NTM: variants seen among roughly 807,000 people sequenced by gnomAD.
NTM encodes neurotrimin.
A neutral mutation model predicts 42.1 loss-of-function variants in NTM; 13 were observed. That is an observed-to-expected ratio of 0.31 (90% CI 0.20 to 0.49). The LOEUF is 0.49. Ranked by LOEUF, NTM falls within the 20% of genes least tolerant of loss-of-function variation. NTM has a pLI of 0.99. For synonymous variants in NTM, 187 were observed against 179.2 expected (o/e 1.04, Z -0.35); for missense variants, 373 against 452.8 (o/e 0.82, Z 1.60).
At chr11:131,515,946 T>C (rs2048841132) in intron 1 of NTM, among the ~76,000 whole-genome samples, 2 of 152,192 alleles carry the variant, frequency 1.3e-5, no homozygotes, top group African/African-American at 4.8e-5. Flanking sequence ...AAGATAAGGC[T>C]TTTGCATGTG....
chr11:131,911,757 C>G, intron 2 of NTM, 109 bp downstream of exon 2: 1 of 1,355,536 alleles, frequency 7.4e-7, no homozygotes, highest in Non-Finnish European at 1.0e-6. Context: ...GGAGAGGTCG[C>G]TGGTTCCCTG....
intron 1 of NTM, among the ~76,000 whole-genome samples, chr11:131,717,837 G>A (rs1295049155): frequency 1.3e-5 from 2 of 152,182 alleles, no homozygotes; most frequent in East Asian, 3.8e-4. Context: ...TAGATATGCT[G>A]ATAGCTGTAG....
chr11:132,236,810 T>C, intron 4 of NTM, among the ~76,000 whole-genome samples: 1 of 152,206 alleles, frequency 6.6e-6, no homozygotes, highest in Non-Finnish European at 1.5e-5. Flanking sequence ...CTGGCCTTAC[T>C]GACTCCCTCC....
intron 2 of NTM, among the ~76,000 whole-genome samples, chr11:131,966,181 G>C (rs1008739926): frequency 2.0e-5 from 3 of 152,152 alleles, no homozygotes; most frequent in Non-Finnish European, 4.4e-5. Flanking sequence ...AATAGTGGGA[G>C]ATGAGTTTGC....
intron 1 of NTM, among the ~76,000 whole-genome samples, chr11:131,657,520 GTTA>G (rs1478195024): frequency 6.6e-6 from 1 of 152,096 alleles, no homozygotes; most frequent in Non-Finnish European, 1.5e-5. Flanking sequence ...CCTTTGTATT[GTTA>G]TTAGCACCAA....
chr11:131,413,154 G>A (rs1050787418), intron 1 of NTM, among the ~76,000 whole-genome samples: 4 of 152,178 alleles, frequency 2.6e-5, no homozygotes, highest in Non-Finnish European at 4.4e-5. Flanking sequence ...GATAGAGTCA[G>A]GTGCCAGAAT....
At chr11:131,389,300 C>G (rs2512652) in intron 1 of NTM, among the ~76,000 whole-genome samples, 44,751 of 152,130 alleles carry the variant, frequency 0.29, 7,610 homozygotes, top group East Asian at 0.59. Flanking sequence ...TGTGGCTGGG[C>G]AGTGAATGAC....
At chr11:132,220,622 A>G (rs1248554724) in intron 4 of NTM, among the ~76,000 whole-genome samples, 1 of 152,186 alleles carries the variant, frequency 6.6e-6, no homozygotes, top group Non-Finnish European at 1.5e-5. Flanking sequence ...TTGTGGTTTT[A>G]CCCAATTATT....
chr11:131,732,916 C>T (rs1487119748), intron 1 of NTM, among the ~76,000 whole-genome samples: 1 of 151,932 alleles, frequency 6.6e-6, no homozygotes, highest in East Asian at 1.9e-4. Context: ...GAATGTTTTA[C>T]ATTAATATTA....
At position 132,228,270 on chromosome 11, in the gene NTM, C is replaced by T. The variant is rs554238489; in HGVS notation, c.526+16123C>T. Among the ~76,000 whole-genome samples the T allele has an allele frequency of 3.0e-3, 460 of 152,292 alleles. 4 individuals carry two copies. The highest frequency in any genetic ancestry group is 0.014 in the Middle Eastern group (4 of 294). Reference sequence around the variant, plus strand: ...TGCCCTGGGAATTCTGTGAACATCCCTGCTGCCTCAGTGCTGTGAATTCTA... The same window carrying T: ...TGCCCTGGGAATTCTGTGAACATCCTTGCTGCCTCAGTGCTGTGAATTCTA... On this transcript the variant is annotated intron_variant, in intron 4 of 8. Coordinates refer to ENST00000683400, the MANE Select transcript of NTM (RefSeq NM_001352005.2).
At chr11:131,784,176 T>C (rs909635978) in intron 1 of NTM, among the ~76,000 whole-genome samples, 2 of 152,194 alleles carry the variant, frequency 1.3e-5, no homozygotes, top group African/African-American at 4.8e-5. Context: ...CAAATTCTCA[T>C]ATATTGCTGG....
At position 131,371,641 on chromosome 11, in the gene NTM, C is replaced by A. The variant is rs758854827; in HGVS notation, c.82+753C>A. On this transcript the variant is annotated intron_variant, in intron 1 of 8. Coordinates refer to ENST00000683400, the MANE Select transcript of NTM (RefSeq NM_001352005.2). Reference sequence around the variant, plus strand: ...TGCAGTTGAGTGCAAGCTTTGATGTCCCCAGTGCTGTGTTCTGTGCATTTG... The same window carrying A: ...TGCAGTTGAGTGCAAGCTTTGATGTACCCAGTGCTGTGTTCTGTGCATTTG... Among the ~76,000 whole-genome samples the A allele has an allele frequency of 1.2e-3, 189 of 152,260 alleles. 4 individuals are homozygous for A. The Middle Eastern group carries it at 0.027, about 22-fold the overall frequency.
At chr11:131,571,983 C>T (rs76127281) in intron 1 of NTM, among the ~76,000 whole-genome samples, 4,132 of 152,234 alleles carry the variant, frequency 0.027, 184 homozygotes, top group African/African-American at 0.094. Context: ...AAACAACAAC[C>T]ACAGCAATCT....
At chr11:132,231,801 G>A (rs2087620164) in intron 4 of NTM, among the ~76,000 whole-genome samples, 1 of 152,164 alleles carries the variant, frequency 6.6e-6, no homozygotes, top group Admixed American at 6.5e-5. Flanking sequence ...AAGTAACTTG[G>A]GAATAGTCAG....
intron 2 of NTM, among the ~76,000 whole-genome samples, chr11:131,990,936 A>T (rs1395404159): frequency 1.3e-5 from 2 of 152,128 alleles, no homozygotes; most frequent in African/African-American, 4.8e-5. Flanking sequence ...GAGTTACCTG[A>T]TAAATTACTT....
chr11:131,531,704 G>A (rs546289111), intron 1 of NTM, among the ~76,000 whole-genome samples: 12 of 152,178 alleles, frequency 7.9e-5, no homozygotes, highest in Non-Finnish European at 1.3e-4. Flanking sequence ...GTTACTCTGA[G>A]CTGGGGATAC....
chr11:131,374,417 G>GCATGGT (rs1941679170), intron 1 of NTM, among the ~76,000 whole-genome samples: 1 of 152,226 alleles, frequency 6.6e-6, no homozygotes, highest in African/African-American at 2.4e-5. Flanking sequence ...CAGGCACAGA[G>GCATGGT]CCTGGTCCTG....
rs142817071 is a variant in NTM, at chr11:132,282,976, C to CTTTTTTTTTTT, written c.527-24698_527-24688dup. Among the ~76,000 whole-genome samples, 550 of 108,832 alleles carry CTTTTTTTTTTT rather than the reference C, an allele frequency of 5.1e-3. 16 individuals are homozygous for CTTTTTTTTTTT. Among genetic ancestry groups the CTTTTTTTTTTT allele is most frequent in the Middle Eastern group, 0.015 (3 of 196 alleles). 71.4% of individuals were successfully genotyped at this position (108,832 alleles called of 152,430 possible). On this transcript the variant is annotated intron_variant, in intron 4 of 8. Transcript: ENST00000683400. ...AATGAAACGGGAAATTCCTTTATTC[C>CTTTTTTTTTTT]TTTTTTTTTTTTTTTTTTTTTTTTT...
chr11:131,572,051 A>G (rs1163432738), intron 1 of NTM, among the ~76,000 whole-genome samples: 2 of 152,122 alleles, frequency 1.3e-5, no homozygotes, highest in African/African-American at 4.8e-5. Flanking sequence ...CATTTCATAA[A>G]CTCCCATTGA....
Sources: allele counts gnomAD v4.1 joint callset (sites outside exome capture counted in the v4.1 genomes callset), GRCh38; gene constraint gnomAD v4.1.1; transcripts MANE v1.5; gene names NCBI Gene and HGNC (gene_info 2026-07-23, HGNC 2026-07-21).